C3orf20: variants seen among roughly 807,000 people sequenced by gnomAD.
C3orf20 encodes the protein uncharacterized protein C3orf20.
Under a neutral mutation model 88.3 loss-of-function variants are expected in C3orf20, and 76 were observed. The ratio of observed to expected loss-of-function variants is 0.86; its 90% confidence interval spans 0.72 to 1.04. The LOEUF (loss-of-function observed/expected upper bound fraction) is 1.04, where lower values mean the gene tolerates loss of function less well. C3orf20 is among the 50% of genes least tolerant of loss of function. The probability of loss-of-function intolerance (pLI) is 0.00; values close to 1 mark genes in which losing one functional copy is unlikely to be tolerated. For synonymous variants in C3orf20, 436 were observed against 437.4 expected (o/e 1.00, Z 0.04); for missense variants, 1,056 against 1,123.3 (o/e 0.94, Z 0.86).
In C3orf20 at chr3:14,757,562, T is replaced by C; in HGVS notation, c.2132T>C (p.Leu711Pro). The change falls in exon 13 of 17, where the codon CTG becomes CCG. Residue 711 changes from leucine (L) to proline (P), a missense_variant. Leu to Pro is a moderately conservative substitution (Grantham distance 98). Coordinates refer to ENST00000253697, the MANE Select transcript of C3orf20 (RefSeq NM_032137.5). ...GCGCCCCGAGACCCCAGCCAAGTGC[T>C]GGTGTTTGGGATCATCTCAAGCCAG... ...LLAPRDPSQVLVFGIISSQNY... is the reference protein window; with the variant it reads ...LLAPRDPSQVPVFGIISSQNY... 1.9e-6 allele frequency: 3 copies of C among 1,613,948 alleles called. No homozygotes were observed. Among genetic ancestry groups the C allele is most frequent in the Non-Finnish European group, 2.5e-6 (3 of 1,179,956 alleles).
intron 13 of C3orf20, among the ~76,000 whole-genome samples, chr3:14,758,536 G>GGCACATGA (rs2035458139): frequency 6.6e-6 from 1 of 152,224 alleles, no homozygotes; most frequent in Non-Finnish European, 1.5e-5. Flanking sequence ...AGCAAAGGAT[G>GGCACATGA]GCACATGAGC....
chr3:14,738,052 T>C (rs368095489), intron 12 of C3orf20, among the ~76,000 whole-genome samples: 2 of 152,118 alleles, frequency 1.3e-5, no homozygotes, highest in East Asian at 1.9e-4. Flanking sequence ...TTCAGTTACT[T>C]CCTCCACTGG....
At chr3:14,707,142 A>G (rs951075568) in intron 7 of C3orf20, among the ~76,000 whole-genome samples, 2 of 150,390 alleles carry the variant, frequency 1.3e-5, no homozygotes, top group African/African-American at 4.9e-5. Flanking sequence ...CCAGCTACTC[A>G]GGAGGCTGAG....
chr3:14,727,451 G>A (rs1330602303), intron 11 of C3orf20, among the ~76,000 whole-genome samples: 3 of 152,040 alleles, frequency 2.0e-5, no homozygotes, highest in Admixed American at 6.5e-5. Flanking sequence ...AGAGAAAAAT[G>A]CAATCACCTC....
intron 12 of C3orf20, among the ~76,000 whole-genome samples, chr3:14,730,451 G>A (rs1323042477): frequency 1.3e-5 from 2 of 152,088 alleles, no homozygotes; most frequent in African/African-American, 4.8e-5. Flanking sequence ...GGAGGCTGAG[G>A]CAGGAGAATG....
At chr3:14,747,972 T>C (rs2035106262) in intron 12 of C3orf20, among the ~76,000 whole-genome samples, 1 of 152,100 alleles carries the variant, frequency 6.6e-6, no homozygotes. Context: ...TTGTAGTGTC[T>C]TTGTCTGGCT....
chr3:14,711,723 C>T (rs959341396), intron 7 of C3orf20, among the ~76,000 whole-genome samples: 6 of 149,638 alleles, frequency 4.0e-5, no homozygotes, highest in Middle Eastern at 3.2e-3. Context: ...GCAACCTCCA[C>T]CTCCTGGGCT....
At chr3:14,744,393 T>G (rs944502543) in intron 12 of C3orf20, among the ~76,000 whole-genome samples, 9 of 151,954 alleles carry the variant, frequency 5.9e-5, no homozygotes, top group Non-Finnish European at 8.8e-5. Flanking sequence ...CTGTCAACAT[T>G]TTGGGCAAAG....
chr3:14,703,196 A>G lies in C3orf20; in HGVS notation c.812A>G (p.Asn271Ser), dbSNP rs774680253. The change falls in exon 6 of 17, where the codon AAC becomes AGC. Residue 271 changes from asparagine to serine, a missense_variant. Transcript: ENST00000253697. Reference sequence around the variant, plus strand: ...CATCGAGGAGTGGGAACCCCTGCCAACAGCCTGGAGTTCAGCGACCCCTGC... The same window carrying G: ...CATCGAGGAGTGGGAACCCCTGCCAGCAGCCTGGAGTTCAGCGACCCCTGC... ...PLHRGVGTPA[N>S]SLEFSDPCPE... The G allele has an allele frequency of 2.7e-5, 43 of 1,614,200 alleles. No individual in the cohort carries two copies. Among genetic ancestry groups the G allele is most frequent in the Non-Finnish European group, 3.6e-5 (43 of 1,180,030 alleles).
At chr3:14,723,534 C>T (rs2034238598) in intron 10 of C3orf20, among the ~76,000 whole-genome samples, 1 of 152,220 alleles carries the variant, frequency 6.6e-6, no homozygotes, top group African/African-American at 2.4e-5. Flanking sequence ...AAAGCATGGG[C>T]ACCAATGATC....
chr3:14,703,931 G>A (rs565572267), intron 6 of C3orf20, among the ~76,000 whole-genome samples: 14 of 152,074 alleles, frequency 9.2e-5, no homozygotes, highest in Non-Finnish European at 1.8e-4. Context: ...ATACGTCTCC[G>A]GGGGTTGCTG....
intron 1 of C3orf20, among the ~76,000 whole-genome samples, chr3:14,676,092 G>A (rs2031750903): frequency 6.7e-6 from 1 of 149,510 alleles, no homozygotes; most frequent in Non-Finnish European, 1.5e-5. Flanking sequence ...GGGGTGTACT[G>A]CATTCCTTCC....
chr3:14,746,496 G>A lies in C3orf20; in HGVS notation c.1941-10875G>A, dbSNP rs1002085486. Among the ~76,000 whole-genome samples, 11 of 152,122 alleles carry A rather than the reference G, an allele frequency of 7.2e-5. No homozygotes were observed. The South Asian group carries it at 8.3e-4, about 11-fold the overall frequency. The stretch of plus-strand genomic sequence containing the variant: ...TGACTGTAATTTAATTGGTTATGAC[G>A]AGATAACTGCAACATATATTATCCA... On this transcript the variant is annotated intron_variant, in intron 12 of 16. Coordinates refer to ENST00000253697, the MANE Select transcript of C3orf20 (RefSeq NM_032137.5).
At chr3:14,736,916 T>G (rs1395323010) in intron 12 of C3orf20, among the ~76,000 whole-genome samples, 3 of 152,206 alleles carry the variant, frequency 2.0e-5, no homozygotes, top group African/African-American at 7.2e-5. Flanking sequence ...GGTTGGCAAT[T>G]ACTTTGTTTT....
At chr3:14,697,894 T>A (rs2033079363) in intron 5 of C3orf20, among the ~76,000 whole-genome samples, 1 of 152,176 alleles carries the variant, frequency 6.6e-6, no homozygotes, top group South Asian at 2.1e-4. Flanking sequence ...GAACTCATCC[T>A]TTTTTATGGC....
At chr3:14,691,723 G>T (rs11712257) in intron 5 of C3orf20, among the ~76,000 whole-genome samples, 21,420 of 152,078 alleles carry the variant, frequency 0.14, 2,001 homozygotes, top group Non-Finnish European at 0.2. Flanking sequence ...TAAATGGGGT[G>T]TCCATCACCT....
rs181191812 is a variant in C3orf20, at chr3:14,701,680, A to G, written c.746-1450A>G. On this transcript the variant is annotated intron_variant, in intron 5 of 16. Coordinates refer to ENST00000253697, the MANE Select transcript of C3orf20 (RefSeq NM_032137.5). This position sits in a 1 kb window ranked among gnomAD's most constrained non-coding sequence, Gnocchi z 4.6. The stretch of plus-strand genomic sequence containing the variant: ...ACTTGGGCTCCCTCGAGAAGACCCA[A>G]GATTAGCCATCATCAGAGAAGTTTT... Among the ~76,000 whole-genome samples, 2 of 152,320 alleles carry G rather than the reference A, an allele frequency of 1.3e-5. No homozygotes were observed. The highest frequency in any genetic ancestry group is 2.9e-5 in the Non-Finnish European group (2 of 68,022).
intron 13 of C3orf20, 106 bp downstream of exon 13, chr3:14,757,780 G>A (rs2035424877): frequency 9.5e-7 from 1 of 1,052,476 alleles, no homozygotes; most frequent in East Asian, 2.6e-5. Context: ...CCTGCCTGAG[G>A]GGCCACCCTC....
intron 5 of C3orf20, among the ~76,000 whole-genome samples, chr3:14,702,381 A>G (rs937479694): frequency 5.3e-5 from 8 of 151,596 alleles, no homozygotes; most frequent in African/African-American, 1.9e-4. Flanking sequence ...TTGGGTAGGG[A>G]CACAGCCAAA....
Sources: gnomAD v4.1 joint callset for allele counts (sites outside exome capture counted in the v4.1 genomes callset) on GRCh38, gnomAD v4.1.1 for gene constraint, Gnocchi (gnomAD v3.1) non-coding constraint, MANE v1.5 for transcripts, NCBI Gene and HGNC (gene_info 2026-07-23, HGNC 2026-07-21) for gene names.